MYO16: variants seen among roughly 807,000 people sequenced by gnomAD.
The protein encoded by MYO16 is myosin XVI.
MYO16 carries 94 observed loss-of-function variants against 205.3 expected under a neutral mutation model. That is an observed-to-expected ratio of 0.46 (90% CI 0.39 to 0.54). MYO16 has a LOEUF of 0.54. Ranked by LOEUF, MYO16 falls within the 20% of genes least tolerant of loss-of-function variation. The pLI is 0.00. For synonymous variants in MYO16, 988 were observed against 954.0 expected, an observed-to-expected ratio of 1.04 and a Z score of -0.66; for missense variants, 2,315 against 2,387.5, an observed-to-expected ratio of 0.97 and a Z score of 0.63.
At chr13:108,836,805 T>C (rs764102126) in intron 9 of MYO16, among the ~76,000 whole-genome samples, 2 of 152,190 alleles carry the variant, frequency 1.3e-5, no homozygotes, top group Non-Finnish European at 2.9e-5. Context: ...CCATTTGGAA[T>C]GGGGTTATTT....
chr13:108,717,735 C>CGGAT (rs1884004892), intron 3 of MYO16, among the ~76,000 whole-genome samples: 1 of 151,562 alleles, frequency 6.6e-6, no homozygotes, highest in Admixed American at 6.6e-5. Context: ...ATAGCACAAT[C>CGGAT]GGATATATGA....
chr13:108,912,723 G>A (rs1881321527), intron 16 of MYO16, among the ~76,000 whole-genome samples: 1 of 151,978 alleles, frequency 6.6e-6, no homozygotes, highest in Non-Finnish European at 1.5e-5. Flanking sequence ...GAGATAGCCT[G>A]TGAGGAAGAG....
intron 9 of MYO16, among the ~76,000 whole-genome samples, chr13:108,841,721 CAAAGA>C (rs916877119): frequency 9.2e-5 from 14 of 151,948 alleles, no homozygotes; most frequent in African/African-American, 3.4e-4. Flanking sequence ...CACATTTTAC[CAAAGA>C]AGAGAAACTT....
At chr13:109,064,270 T>C (rs780547429) in intron 27 of MYO16, among the ~76,000 whole-genome samples, 23 of 152,232 alleles carry the variant, frequency 1.5e-4, no homozygotes, top group Non-Finnish European at 2.6e-4. Flanking sequence ...TTTGCTTATC[T>C]CTGCCTTAGA....
chr13:108,702,007 G>C (rs189873195), intron 2 of MYO16, among the ~76,000 whole-genome samples: 1 of 147,512 alleles, frequency 6.8e-6, no homozygotes, highest in Non-Finnish European at 1.5e-5. Flanking sequence ...GATCCAGTCT[G>C]AGGTAGAGAA....
In MYO16 at chr13:109,140,669, C is replaced by A; in HGVS notation, c.4457C>A (p.Pro1486Gln). ...GASPPLLHRA[P>Q]EDEAAGPPGD... ...TCGCCGCCCCTGCTCCACCGCGCGC[C>A]GGAGGACGAGGCGGCGGGGCCCCCA... The change falls in exon 32 of 35, where the codon CCG (proline) becomes CAG (glutamine). Residue 1486 changes from proline to glutamine, a missense_variant. Coordinates refer to ENST00000457511, the MANE Select transcript of MYO16 (RefSeq NM_001198950.3). The surrounding 1 kb of genome is among the most constrained non-coding windows in gnomAD (Gnocchi z 8.0). 1 of 1,489,318 alleles carries A rather than the reference C, an allele frequency of 6.7e-7. No homozygotes were observed. Among genetic ancestry groups the A allele is most frequent in the Non-Finnish European group, 8.9e-7 (1 of 1,123,488 alleles). 92.3% of individuals were successfully genotyped at this position (1,489,318 alleles called of 1,614,324 possible).
intron 3 of MYO16, among the ~76,000 whole-genome samples, chr13:108,715,783 C>A: frequency 6.6e-6 from 1 of 152,270 alleles, no homozygotes; most frequent in Admixed American, 6.5e-5. Context: ...TGCTTCTGGG[C>A]ATCAGTTACA....
At chr13:108,752,813 T>C (rs1469520994) in intron 4 of MYO16, among the ~76,000 whole-genome samples, 1,850 of 139,458 alleles carry the variant, frequency 0.013, 49 homozygotes, top group Non-Finnish European at 0.021. Context: ...AGCTAATTTT[T>C]TTTTTTTTTT....
chr13:108,599,619 T>C (rs1031771715), intron 1 of MYO16, among the ~76,000 whole-genome samples: 1 of 152,126 alleles, frequency 6.6e-6, no homozygotes. Flanking sequence ...TCCATCCGTA[T>C]GTTTGGAATC....
chr13:108,724,793 CTTTG>C (rs1044045034), intron 3 of MYO16, among the ~76,000 whole-genome samples: 28 of 152,002 alleles, frequency 1.8e-4, no homozygotes, highest in African/African-American at 6.5e-4. Context: ...CCCTTCCCGC[CTTTG>C]TTTTATTGCT....
At chr13:109,170,571 A>G (rs1387180643) in intron 33 of MYO16, among the ~76,000 whole-genome samples, 2 of 152,048 alleles carry the variant, frequency 1.3e-5, no homozygotes, top group African/African-American at 2.4e-5. Flanking sequence ...AGAGATGGAG[A>G]AAGGGAACTT....
At chr13:109,200,137 A>AT (rs1367639680) in intron 34 of MYO16, among the ~76,000 whole-genome samples, 1 of 152,212 alleles carries the variant, frequency 6.6e-6, no homozygotes, top group Admixed American at 6.5e-5. Flanking sequence ...ACAGATGATG[A>AT]TTTTAAAATG....
intron 20 of MYO16, among the ~76,000 whole-genome samples, chr13:108,980,064 G>A (rs1408075407): frequency 6.6e-6 from 1 of 152,070 alleles, no homozygotes; most frequent in African/African-American, 2.4e-5. Flanking sequence ...TTCAGGAGAT[G>A]GAGAGGAAAA....
At chr13:108,871,051 T>G (rs1357533912) in intron 12 of MYO16, among the ~76,000 whole-genome samples, 2 of 152,160 alleles carry the variant, frequency 1.3e-5, no homozygotes, top group Non-Finnish European at 2.9e-5. Context: ...CTACTTTTGT[T>G]TCTCTTTGAC....
At position 109,061,218 on chromosome 13, in the gene MYO16, CCTT is replaced by C. The variant is rs536476387; in HGVS notation, c.3335+5626_3335+5628del. Among the ~76,000 whole-genome samples, 77 of 152,238 alleles carry C rather than the reference CCTT, an allele frequency of 5.1e-4. 1 individual carries two copies. The highest frequency in any genetic ancestry group is 1.7e-3 in the African/African-American group (70 of 41,560). ...TTATCTTCTGTCCAGACCACTCAGA[CCTT>C]CTCCATATCGGCAATAAGGCAGTTT... On this transcript the variant is annotated intron_variant, in intron 27 of 34. Transcript: ENST00000457511.
At chr13:108,554,538 A>G in the MYO16 span, among the ~76,000 whole-genome samples, 2 of 152,158 alleles carry the variant, frequency 1.3e-5, no homozygotes, top group Non-Finnish European at 2.9e-5. Flanking sequence ...ATCCACATTT[A>G]TAATATTTTA....
chr13:108,897,812 T>C (rs1322419461), intron 14 of MYO16, among the ~76,000 whole-genome samples: 1 of 152,164 alleles, frequency 6.6e-6, no homozygotes, highest in Non-Finnish European at 1.5e-5. Flanking sequence ...TATTGCTTCA[T>C]GAACAGTAGC....
At chr13:108,608,142 G>A (rs560653267) in intron 1 of MYO16, among the ~76,000 whole-genome samples, 7 of 152,120 alleles carry the variant, frequency 4.6e-5, no homozygotes, top group South Asian at 2.1e-4. Flanking sequence ...TTTAGTTTCC[G>A]TCACTGTTTT....
chr13:109,104,107 G>A (rs1203138200), intron 28 of MYO16, among the ~76,000 whole-genome samples: 6 of 152,178 alleles, frequency 3.9e-5, no homozygotes, highest in African/African-American at 1.4e-4. Context: ...ACTAGGTGCA[G>A]TTAATATTCA....
Sources: allele counts gnomAD v4.1 joint callset (sites outside exome capture counted in the v4.1 genomes callset), GRCh38; gene constraint gnomAD v4.1.1; non-coding constraint Gnocchi (gnomAD v3.1); transcripts MANE v1.5; gene names NCBI Gene and HGNC (gene_info 2026-07-23, HGNC 2026-07-21).